CHD1L: variants seen among roughly 807,000 people sequenced by gnomAD.
The protein encoded by CHD1L is ATP-dependent chromatin remodeler CHD1L.
In CHD1L, 118 loss-of-function variants were observed where a neutral mutation model predicts 115.9. That is an observed-to-expected ratio of 1.02 (90% CI 0.88 to 1.19). The LOEUF (loss-of-function observed/expected upper bound fraction) is 1.19. Among genes scored for constraint, CHD1L ranks in the 50% most tolerant of loss-of-function variants. The pLI is 0.00. For missense variants in CHD1L, 1,179 were observed against 1,065.3 expected (o/e 1.11, Z -1.49); for synonymous variants, 411 against 387.1 (o/e 1.06, Z -0.72).
the CHD1L span, among the ~76,000 whole-genome samples, chr1:147,202,634 T>C: frequency 9.2e-5 from 14 of 152,258 alleles, no homozygotes; most frequent in East Asian, 2.5e-3. Context: ...GTAGTCTTAA[T>C]GCCTGAATAC....
At chr1:147,268,556 ATCT>A (rs1274687953) in intron 9 of CHD1L, among the ~76,000 whole-genome samples, 3 of 152,158 alleles carry the variant, frequency 2.0e-5, no homozygotes, top group African/African-American at 4.8e-5. Context: ...GACCTTTAGC[ATCT>A]TCTTCTGTCT....
chr1:147,270,237 C>T (rs1571913302), intron 10 of CHD1L, among the ~76,000 whole-genome samples: 1 of 152,136 alleles, frequency 6.6e-6, no homozygotes, highest in Non-Finnish European at 1.5e-5. Context: ...TTTGTTTATG[C>T]AAATTTAAAA....
At chr1:147,201,119 G>T in the CHD1L span, 1 of 1,462,582 alleles carries the variant, frequency 6.8e-7, no homozygotes, top group Non-Finnish European at 9.4e-7. Context: ...ATATCACCAA[G>T]TAATTAAGTA....
chr1:147,207,250 G>A, the CHD1L span, among the ~76,000 whole-genome samples: 5,610 of 152,162 alleles, frequency 0.037, 148 homozygotes, highest in South Asian at 0.095. Flanking sequence ...GTGTATGTAT[G>A]CTCTATATGT....
the CHD1L span, chr1:147,172,988 G>A: frequency 6.6e-6 from 1 of 152,490 alleles, no homozygotes; most frequent in Non-Finnish European, 1.5e-5. Context: ...GCAGAAGGAA[G>A]CAGTGGTCAT....
intron 6 of CHD1L, chr1:147,260,700 G>GAAGAGACCA (rs1553943616): frequency 6.6e-6 from 1 of 152,166 alleles, no homozygotes; most frequent in East Asian, 1.9e-4. Flanking sequence ...CTGGGTTCAT[G>GAAGAGACCA]AAGAGACCAA....
At chr1:147,199,397 G>A in the CHD1L span, among the ~76,000 whole-genome samples, 1 of 152,158 alleles carries the variant, frequency 6.6e-6, no homozygotes, top group African/African-American at 2.4e-5. Context: ...AGAGAATTCT[G>A]AAGATTTCTT....
At chr1:147,183,999 C>T in the CHD1L span, among the ~76,000 whole-genome samples, 8 of 152,110 alleles carry the variant, frequency 5.3e-5, no homozygotes. Context: ...CTTTATATCA[C>T]CATTTTACAT....
intron 18 of CHD1L, 131 bp from the exon 19 acceptor site, chr1:147,287,504 A>G: frequency 1.6e-6 from 1 of 620,074 alleles, no homozygotes; most frequent in Non-Finnish European, 2.8e-6. Flanking sequence ...TATTCCTAGG[A>G]GATAAGATAT....
chr1:147,203,458 G>A, the CHD1L span: 1 of 832,230 alleles, frequency 1.2e-6, no homozygotes, highest in South Asian at 1.3e-5. Flanking sequence ...GTCCGTTACA[G>A]CAGGGACTAC....
the CHD1L span, chr1:147,213,434 C>CA: frequency 1.8e-5 from 29 of 1,611,874 alleles, no homozygotes; most frequent in African/African-American, 3.6e-4. Context: ...CCTGAAGTGG[C>CA]AAAATCAGGC....
rs190155815 is a variant in CHD1L at position 147,273,677 on chromosome 1, A to G, written c.1270+1396A>G. 3.4e-3 allele frequency among the ~76,000 whole-genome samples: 514 copies of G among 152,336 alleles called. 1 individual carries two copies. Among genetic ancestry groups the G allele is most frequent in the South Asian group, 7.9e-3 (38 of 4,820 alleles). ...ATCATCCTCATATTCAGAGAGCAGC[A>G]TTATGTTTGAAATGTCTAAAATTAG... is the stretch of plus-strand genomic sequence containing the variant. On this transcript the variant is annotated intron_variant, in intron 12 of 22. Transcript: ENST00000369258.
chr1:147,267,891 T>A (rs1255359381), intron 9 of CHD1L, among the ~76,000 whole-genome samples: 5 of 152,188 alleles, frequency 3.3e-5, no homozygotes, highest in African/African-American at 4.8e-5. Flanking sequence ...GCTGGGTTCT[T>A]AAAAATCATT....
chr1:147,215,692 C>T, the CHD1L span: 1 of 1,242,488 alleles, frequency 8.0e-7, no homozygotes, highest in Middle Eastern at 1.9e-4. Flanking sequence ...GTAACTGAAA[C>T]CACGTTATTC....
the CHD1L span, among the ~76,000 whole-genome samples, chr1:147,217,164 C>T: frequency 2.0e-5 from 3 of 152,002 alleles, no homozygotes; most frequent in Non-Finnish European, 2.9e-5. Context: ...CGCTTGAACC[C>T]GGGAGGCGGA....
intron 11 of CHD1L, among the ~76,000 whole-genome samples, 161 bp from the exon 12 acceptor site, chr1:147,272,010 C>T (rs782774415): frequency 1.3e-5 from 2 of 152,094 alleles, no homozygotes; most frequent in African/African-American, 2.4e-5. Context: ...GATAATTGTC[C>T]CTGTTAATTT....
At chr1:147,287,422 G>T (rs1194055735) in intron 18 of CHD1L, among the ~76,000 whole-genome samples, 1 of 152,182 alleles carries the variant, frequency 6.6e-6, no homozygotes, top group Non-Finnish European at 1.5e-5. Flanking sequence ...TTTTTGAGAT[G>T]CTTTCCTGTT....
the CHD1L span, among the ~76,000 whole-genome samples, chr1:147,192,981 G>A: frequency 6.6e-6 from 1 of 151,976 alleles, no homozygotes; most frequent in Non-Finnish European, 1.5e-5. Context: ...CTTTTTTGTT[G>A]TGTCTCTGCC....
At chr1:147,213,405 A>G in the CHD1L span, 1 of 1,613,696 alleles carries the variant, frequency 6.2e-7, no homozygotes, top group Non-Finnish European at 8.5e-7. Context: ...CTTCAGATTC[A>G]GTGACCACTT....
Sources: allele counts gnomAD v4.1 joint callset (sites outside exome capture counted in the v4.1 genomes callset), GRCh38; gene constraint gnomAD v4.1.1; transcripts MANE v1.5; gene names NCBI Gene and HGNC (gene_info 2026-07-23, HGNC 2026-07-21).